HHIP: variants seen among roughly 807,000 people sequenced by gnomAD.
The protein encoded by HHIP is hedgehog interacting protein, also known as hedgehog-interacting protein.
In HHIP, 12 loss-of-function variants were observed where a neutral mutation model predicts 74.0. That is an observed-to-expected ratio of 0.16 (90% CI 0.10 to 0.26). The LOEUF (loss-of-function observed/expected upper bound fraction) is 0.26. Among genes scored for constraint, HHIP ranks in the 10% least tolerant of loss-of-function variants. The pLI, the probability that HHIP is intolerant of heterozygous loss-of-function variation, is 1.00. For synonymous variants in HHIP, 309 were observed against 311.6 expected (o/e 0.99, Z 0.09); for missense variants, 788 against 845.0 (o/e 0.93, Z 0.84).
chr4:144,690,581 T>G (rs1185493582), intron 4 of HHIP, among the ~76,000 whole-genome samples: 2 of 152,144 alleles, frequency 1.3e-5, no homozygotes, highest in Non-Finnish European at 2.9e-5. Flanking sequence ...GCATCAGAGT[T>G]GACCATAGCT....
chr4:144,715,263 G>A, intron 9 of HHIP, 37 bp from the exon 10 acceptor site: 1 of 1,574,736 alleles, frequency 6.4e-7, no homozygotes, highest in South Asian at 1.1e-5. Context: ...ACAAAAGTGT[G>A]TATTCATTGT....
intron 11 of HHIP, among the ~76,000 whole-genome samples, chr4:144,732,850 G>C (rs901357810): frequency 6.6e-6 from 1 of 152,124 alleles, no homozygotes; most frequent in Non-Finnish European, 1.5e-5. Context: ...GTCAGAAAGT[G>C]GGTGAGCAAG....
At chr4:144,657,978 AT>A (rs1728597527) in intron 2 of HHIP, among the ~76,000 whole-genome samples, 1 of 152,200 alleles carries the variant, frequency 6.6e-6, no homozygotes, top group Non-Finnish European at 1.5e-5. Context: ...ACCTTGTGTT[AT>A]TCATTAGATT....
At chr4:144,651,562 AATAAAGT>A (rs1427083529) in intron 1 of HHIP, among the ~76,000 whole-genome samples, 4 of 152,066 alleles carry the variant, frequency 2.6e-5, no homozygotes, top group Admixed American at 2.0e-4. Flanking sequence ...CTAAAGAAGT[AATAAAGT>A]ATAAATATAG....
chr4:144,659,604 G>T (rs200686378), intron 3 of HHIP, 33 bp from the exon 4 acceptor site: 2 of 1,393,520 alleles, frequency 1.4e-6, no homozygotes, highest in Non-Finnish European at 1.9e-6. Context: ...TTCATCTCAA[G>T]AAAAGCTTAC....
At chr4:144,723,010 G>A (rs150072521) in intron 11 of HHIP, among the ~76,000 whole-genome samples, 93 of 152,192 alleles carry the variant, frequency 6.1e-4, no homozygotes, top group African/African-American at 1.9e-3. Flanking sequence ...TATAGAACAC[G>A]AATTTTTTTA....
intron 4 of HHIP, among the ~76,000 whole-genome samples, chr4:144,684,792 T>C (rs1729442872): frequency 6.6e-6 from 1 of 152,162 alleles, no homozygotes; most frequent in African/African-American, 2.4e-5. Context: ...GAAAAGAAAG[T>C]GGCATTGTTG....
intron 11 of HHIP, among the ~76,000 whole-genome samples, chr4:144,720,536 T>C (rs1398655298): frequency 6.6e-6 from 1 of 152,126 alleles, no homozygotes; most frequent in Non-Finnish European, 1.5e-5. Context: ...ATTATTAGTG[T>C]CTAATTACCA....
At chr4:144,730,379 C>T (rs1397160906) in intron 11 of HHIP, among the ~76,000 whole-genome samples, 1 of 152,104 alleles carries the variant, frequency 6.6e-6, no homozygotes, top group African/African-American at 2.4e-5. Flanking sequence ...AAATTAAGTT[C>T]AAAGGCTATG....
In HHIP at chr4:144,741,687, T is replaced by G. The variant is rs755380368; in HGVS notation, c.*3730T>G. ...GTGAGCCACCATGCCCAGCTTCCATTTGCTTTTGATATTGTTTTTATCTCT... is the reference window on the plus strand; with the variant it reads ...GTGAGCCACCATGCCCAGCTTCCATGTGCTTTTGATATTGTTTTTATCTCT... On this transcript the variant is annotated 3_prime_UTR_variant, in exon 13 of 13. Transcript: ENST00000296575. 1 of 152,140 alleles carries G rather than the reference T, an allele frequency of 6.6e-6. No homozygotes were observed. The highest frequency in any genetic ancestry group is 2.4e-5 in the African/African-American group (1 of 41,428). 9.4% of individuals were successfully genotyped at this position (152,140 alleles called of 1,614,324 possible).
intron 4 of HHIP, among the ~76,000 whole-genome samples, chr4:144,672,153 G>A (rs1444954235): frequency 1.3e-5 from 2 of 152,166 alleles, no homozygotes; most frequent in African/African-American, 4.8e-5. Context: ...TTCAGAAACT[G>A]TGGGACATAC....
intron 9 of HHIP, 32 bp downstream of exon 9, chr4:144,714,380 T>C: frequency 6.2e-7 from 1 of 1,608,432 alleles, no homozygotes; most frequent in South Asian, 1.1e-5. Context: ...CAGTATGATA[T>C]ACCAAATGAC....
At chr4:144,699,886 A>T (rs1578707916) in intron 4 of HHIP, among the ~76,000 whole-genome samples, 1 of 152,164 alleles carries the variant, frequency 6.6e-6, no homozygotes, top group Non-Finnish European at 1.5e-5. Flanking sequence ...GATGCTTCTT[A>T]TCTTTTCCAA....
intron 11 of HHIP, among the ~76,000 whole-genome samples, chr4:144,721,030 A>T (rs570392163): frequency 6.8e-4 from 103 of 152,284 alleles, no homozygotes; most frequent in Non-Finnish European, 1.1e-3. Context: ...TCAGCTAAAA[A>T]AACAATATAT....
At chr4:144,668,348 G>T (rs1728934924) in intron 4 of HHIP, among the ~76,000 whole-genome samples, 1 of 151,648 alleles carries the variant, frequency 6.6e-6, no homozygotes, top group Non-Finnish European at 1.5e-5. Context: ...AGTAAAATGT[G>T]CCATGAAATC....
At chr4:144,648,218 A>G (rs981529643) in intron 1 of HHIP, 3 of 152,182 alleles carry the variant, frequency 2.0e-5, no homozygotes, top group African/African-American at 7.2e-5. Flanking sequence ...TCCCCACTAA[A>G]CTGCTGCCCA....
chr4:144,650,214 C>G (rs1578673264), intron 1 of HHIP, among the ~76,000 whole-genome samples: 3 of 152,062 alleles, frequency 2.0e-5, no homozygotes, highest in African/African-American at 7.2e-5. Flanking sequence ...TACTGTGTAT[C>G]CCCTATTTAT....
At chr4:144,705,830 T>C (rs1465707407) in intron 4 of HHIP, among the ~76,000 whole-genome samples, 5 of 152,176 alleles carry the variant, frequency 3.3e-5, no homozygotes, top group Non-Finnish European at 5.9e-5. Flanking sequence ...CCCTTTCCCC[T>C]CTAGCATTTC....
chr4:144,674,411 T>C (rs1429079395), intron 4 of HHIP, among the ~76,000 whole-genome samples: 1 of 152,198 alleles, frequency 6.6e-6, no homozygotes, highest in African/African-American at 2.4e-5. Flanking sequence ...TTCTTGCCAT[T>C]TATTTTTTAA....
Sources: allele counts gnomAD v4.1 joint callset (sites outside exome capture counted in the v4.1 genomes callset), GRCh38; gene constraint gnomAD v4.1.1; transcripts MANE v1.5; gene names NCBI Gene and HGNC (gene_info 2026-07-23, HGNC 2026-07-21).